NFIB: variants seen among roughly 807,000 people sequenced by gnomAD.
NFIB encodes the protein nuclear factor 1 B-type.
A neutral mutation model predicts 61.5 loss-of-function variants in NFIB; 11 were observed. The ratio of observed to expected loss-of-function variants is 0.18; its 90% CI spans 0.11 to 0.30. The LOEUF (loss-of-function observed/expected upper bound fraction) is 0.30. Ranked by LOEUF, NFIB falls within the 10% of genes least tolerant of loss-of-function variation. The probability of loss-of-function intolerance (pLI) is 1.00; values close to 1 mark genes in which losing one functional copy is unlikely to be tolerated. For synonymous variants in NFIB, 260 were observed against 216.5 expected, an observed-to-expected ratio of 1.20 and a Z score of -1.76; for missense variants, 471 against 608.9, an observed-to-expected ratio of 0.77 and a Z score of 2.38.
rs1457736337 is a variant in NFIB at position 14,216,535 on chromosome 9, TCTCTCTCC to T, written c.563-36763_563-36756del. Among the ~76,000 whole-genome samples the T allele has an allele frequency of 8.6e-3, 251 of 29,176 alleles. 2 individuals are homozygous for T. Among genetic ancestry groups the T allele is most frequent in the Admixed American group, 0.047 (155 of 3,332 alleles). 19.1% of individuals were successfully genotyped at this position (29,176 alleles called of 152,430 possible). ...CTCTCTCTCTCTCTCTCTCTCTCTC[TCTCTCTCC>T]CTCTGTGTGTGTGTGTGTGTGTGTG... On this transcript the variant is annotated intron_variant, in intron 2 of 10. Transcript: ENST00000380953.
intron 2 of NFIB, among the ~76,000 whole-genome samples, chr9:14,246,255 A>G (rs553242777): frequency 1.3e-5 from 2 of 152,260 alleles, no homozygotes; most frequent in South Asian, 4.2e-4. Flanking sequence ...ATAAAATCCA[A>G]TACCTTGCAT....
intron 2 of NFIB, chr9:14,305,885 A>G (rs1160751224): frequency 1.2e-6 from 1 of 800,100 alleles, no homozygotes; most frequent in Non-Finnish European, 1.7e-6. Context: ...GAAATGACCT[A>G]CCATCTGTGA....
chr9:14,419,288 A>T, the NFIB span, among the ~76,000 whole-genome samples: 1 of 54,036 alleles, frequency 1.9e-5, no homozygotes, highest in South Asian at 4.9e-4. Flanking sequence ...CAGCACTGTT[A>T]AAAAAAAAAA....
At chr9:14,240,602 C>T (rs566145519) in intron 2 of NFIB, among the ~76,000 whole-genome samples, 224 of 152,268 alleles carry the variant, frequency 1.5e-3, no homozygotes, top group South Asian at 6.2e-3. Flanking sequence ...AAAACAAGAA[C>T]GATGTACTGT....
chr9:14,124,326 A>AT (rs532637487), intron 7 of NFIB, among the ~76,000 whole-genome samples: 1 of 152,100 alleles, frequency 6.6e-6, no homozygotes, highest in Non-Finnish European at 1.5e-5. Flanking sequence ...ACAGTTACTG[A>AT]TTTTTTCACC....
At chr9:14,166,759 A>G (rs1184723887) in intron 3 of NFIB, among the ~76,000 whole-genome samples, 2 of 152,116 alleles carry the variant, frequency 1.3e-5, no homozygotes, top group African/African-American at 2.4e-5. Flanking sequence ...TGCTTCTGGA[A>G]TAAGTATCTT....
At chr9:14,370,601 A>G (rs77089983) in intron 1 of NFIB, among the ~76,000 whole-genome samples, 8,931 of 152,314 alleles carry the variant, frequency 0.059, 330 homozygotes, top group Non-Finnish European at 0.084. Context: ...TGGTTCCATA[A>G]CAAAGGTAAG....
chr9:14,152,598 A>T (rs2042983352), intron 4 of NFIB, among the ~76,000 whole-genome samples: 1 of 152,122 alleles, frequency 6.6e-6, no homozygotes, highest in Non-Finnish European at 1.5e-5. Context: ...TATTAAGCTC[A>T]TGCAATATTT....
At chr9:14,274,250 C>CTACACACA (rs775506902) in intron 2 of NFIB, among the ~76,000 whole-genome samples, 5 of 17,638 alleles carry the variant, frequency 2.8e-4, no homozygotes, top group Non-Finnish European at 7.1e-4. Flanking sequence ...TTCTTCCTCC[C>CTACACACA]TACACACACA....
intron 1 of NFIB, among the ~76,000 whole-genome samples, chr9:14,326,160 C>T (rs2060749674): frequency 1.3e-5 from 2 of 152,126 alleles, no homozygotes; most frequent in Non-Finnish European, 2.9e-5. Context: ...AAGAGGAAAA[C>T]CCAGGCATAA....
At chr9:14,170,408 G>A (rs918442953) in intron 3 of NFIB, among the ~76,000 whole-genome samples, 6 of 152,162 alleles carry the variant, frequency 3.9e-5, no homozygotes, top group Admixed American at 1.3e-4. Flanking sequence ...TTGGGAGGCT[G>A]AGGTGGGAGG....
chr9:14,383,949 C>T (rs1434230442), intron 1 of NFIB, among the ~76,000 whole-genome samples: 1 of 152,120 alleles, frequency 6.6e-6, no homozygotes, highest in Non-Finnish European at 1.5e-5. Context: ...CCAATCTCCT[C>T]ACAATTGTAT....
intron 5 of NFIB, among the ~76,000 whole-genome samples, chr9:14,148,695 A>G (rs2042551686): frequency 6.6e-6 from 1 of 151,624 alleles, no homozygotes; most frequent in Non-Finnish European, 1.5e-5. Flanking sequence ...TGCTCTTTCC[A>G]CTGCACTGTG....
At chr9:14,157,201 C>T (rs1006779914) in intron 3 of NFIB, among the ~76,000 whole-genome samples, 2 of 152,162 alleles carry the variant, frequency 1.3e-5, no homozygotes, top group African/African-American at 4.8e-5. Flanking sequence ...GTGGAACCTG[C>T]GATCAGCTAT....
intron 2 of NFIB, among the ~76,000 whole-genome samples, chr9:14,228,983 A>G (rs1347615361): frequency 6.6e-6 from 1 of 151,786 alleles, no homozygotes; most frequent in Non-Finnish European, 1.5e-5. Flanking sequence ...AATCATTATT[A>G]TATGTACCAC....
chr9:14,480,006 A>T, the NFIB span, among the ~76,000 whole-genome samples: 2 of 151,924 alleles, frequency 1.3e-5, no homozygotes, highest in African/African-American at 4.8e-5. Flanking sequence ...GGAGGGAGGG[A>T]GGAAGGGAAA....
At chr9:14,283,855 G>A (rs953510461) in intron 2 of NFIB, among the ~76,000 whole-genome samples, 4 of 152,184 alleles carry the variant, frequency 2.6e-5, no homozygotes, top group African/African-American at 4.8e-5. Context: ...ACAGTAGACA[G>A]GAAAAGACAA....
intron 2 of NFIB, among the ~76,000 whole-genome samples, chr9:14,251,546 T>G (rs2055621815): frequency 6.6e-6 from 1 of 152,222 alleles, no homozygotes; most frequent in Admixed American, 6.5e-5. Flanking sequence ...CAGTGCTATT[T>G]TCTCCTGACC....
At chr9:14,155,948 T>C (rs1208690763) in intron 3 of NFIB, 55 bp from the exon 4 acceptor site, 3 of 1,090,622 alleles carry the variant, frequency 2.8e-6, no homozygotes, top group Non-Finnish European at 4.0e-6. Flanking sequence ...GTAAAATAAA[T>C]GATTATACAC....
Sources: gnomAD v4.1 joint callset for allele counts (sites outside exome capture counted in the v4.1 genomes callset) on GRCh38, gnomAD v4.1.1 for gene constraint, MANE v1.5 for transcripts, NCBI Gene and HGNC (gene_info 2026-07-23, HGNC 2026-07-21) for gene names.